The following FHIT variants were observed in gnomAD, a reference collection of about 807,000 sequenced individuals.
FHIT encodes the protein bis(5'-adenosyl)-triphosphatase.
In FHIT, 19 loss-of-function variants were observed where a neutral mutation model predicts 17.9. That is an observed-to-expected ratio of 1.06 (90% CI 0.74 to 1.56). The LOEUF (loss-of-function observed/expected upper bound fraction) is 1.56, where lower values mean the gene tolerates loss of function less well. Ranked by LOEUF, FHIT falls within the 40% of genes most tolerant of loss-of-function variation. The probability of loss-of-function intolerance (pLI) is 0.00; values close to 1 mark genes in which losing one functional copy is unlikely to be tolerated. For missense variants in FHIT, 248 were observed against 189.2 expected, an observed-to-expected ratio of 1.31 and a Z score of -1.82; for synonymous variants, 81 against 69.7, an observed-to-expected ratio of 1.16 and a Z score of -0.81.
At chr3:59,800,954 G>T (rs1350339964) in intron 8 of FHIT, among the ~76,000 whole-genome samples, 2 of 152,166 alleles carry the variant, frequency 1.3e-5, no homozygotes, top group African/African-American at 4.8e-5. Context: ...CAAGGATCCT[G>T]ATCATCTCCC....
At chr3:59,876,387 G>A (rs1233059724) in intron 8 of FHIT, among the ~76,000 whole-genome samples, 1 of 152,120 alleles carries the variant, frequency 6.6e-6, no homozygotes, top group East Asian at 1.9e-4. Flanking sequence ...AGAATAATCT[G>A]GAATTATAGA....
intron 2 of FHIT, among the ~76,000 whole-genome samples, chr3:61,118,583 T>C (rs916009668): frequency 1.3e-5 from 2 of 152,194 alleles, no homozygotes; most frequent in Non-Finnish European, 2.9e-5. Context: ...TCCACACCTG[T>C]AGGGTTACAG....
Position 60,202,496 on chromosome 3 carries a change from A to C in FHIT, c.104-188344T>G, listed in dbSNP as rs1164627113. Reference sequence around the variant, plus strand: ...GTGTGGTCAGGCACTAGTTGGCATTAATTTACTTGTTCACAGTTGTACATG... The same window carrying C: ...GTGTGGTCAGGCACTAGTTGGCATTCATTTACTTGTTCACAGTTGTACATG... On this transcript the variant is annotated intron_variant, in intron 5 of 9. Coordinates refer to ENST00000492590, the MANE Select transcript of FHIT (RefSeq NM_002012.4). Among the ~76,000 whole-genome samples the C allele has an allele frequency of 2.6e-5, 4 of 152,264 alleles. No individual in the cohort carries two copies. The East Asian group carries it at 7.7e-4, about 29-fold the overall frequency.
chr3:60,448,891 A>G (rs1010324224), intron 5 of FHIT, among the ~76,000 whole-genome samples: 3 of 152,140 alleles, frequency 2.0e-5, no homozygotes, highest in African/African-American at 7.2e-5. Context: ...TTTTATAGGG[A>G]TATCACACAC....
At chr3:60,105,221 G>A (rs1704357528) in intron 5 of FHIT, among the ~76,000 whole-genome samples, 1 of 152,126 alleles carries the variant, frequency 6.6e-6, no homozygotes, top group South Asian at 2.1e-4. Context: ...GGCACTCACT[G>A]GTTCTGAGTA....
chr3:60,462,117 A>C lies in FHIT; in HGVS notation c.103+74743T>G, dbSNP rs148553772. Among the ~76,000 whole-genome samples, 73 of 152,290 alleles carry C rather than the reference A, an allele frequency of 4.8e-4. No individual in the cohort carries two copies. The Middle Eastern group carries it at 0.01, about 21-fold the overall frequency. On this transcript the variant is annotated intron_variant, in intron 5 of 9. Transcript: ENST00000492590. ...GGACCGGGGGGATGTTATGCAACAAAAACAGTTATAGCCCTTGTCTGCCTG... is the reference window on the plus strand; with the variant it reads ...GGACCGGGGGGATGTTATGCAACAACAACAGTTATAGCCCTTGTCTGCCTG...
intron 3 of FHIT, among the ~76,000 whole-genome samples, chr3:60,945,450 T>A (rs1235365226): frequency 6.6e-6 from 1 of 152,114 alleles, no homozygotes; most frequent in Non-Finnish European, 1.5e-5. Context: ...TGGAGTGCAG[T>A]GGTACAATCT....
intron 8 of FHIT, among the ~76,000 whole-genome samples, chr3:59,853,502 A>C (rs905985182): frequency 1.3e-5 from 2 of 152,202 alleles, no homozygotes; most frequent in African/African-American, 2.4e-5. Flanking sequence ...ACTAAGTGTA[A>C]TCTTCAGTCA....
chr3:60,073,267 C>A (rs1702860351), intron 5 of FHIT, among the ~76,000 whole-genome samples: 1 of 152,034 alleles, frequency 6.6e-6, no homozygotes, highest in African/African-American at 2.4e-5. Context: ...AGTTTCCTGA[C>A]CCCTTTAATA....
intron 5 of FHIT, among the ~76,000 whole-genome samples, chr3:60,129,628 T>C (rs530405625): frequency 7.2e-5 from 11 of 152,288 alleles, no homozygotes; most frequent in African/African-American, 2.4e-4. Flanking sequence ...ATGCCCTAAG[T>C]CTACTATAAG....
At chr3:60,451,741 C>T (rs900993802) in intron 5 of FHIT, among the ~76,000 whole-genome samples, 1 of 152,082 alleles carries the variant, frequency 6.6e-6, no homozygotes, top group Non-Finnish European at 1.5e-5. Flanking sequence ...CCTGACTCTC[C>T]AACTATGAGA....
rs866731892 is a variant in FHIT at position 60,372,520 on chromosome 3, A to G, written c.103+164340T>C. ...GGTTTCTTTTTCTTCCTGAATCTCC[A>G]ACACATGCCCACACTTGGATTTTAA... On this transcript the variant is annotated intron_variant, in intron 5 of 9. Coordinates refer to ENST00000492590, the MANE Select transcript of FHIT (RefSeq NM_002012.4). 5.9e-5 allele frequency among the ~76,000 whole-genome samples: 9 copies of G among 152,168 alleles called. No homozygotes were observed. In the South Asian group the frequency reaches 1.0e-3, roughly 18 times the overall value.
chr3:61,157,479 T>C (rs1236237552), intron 2 of FHIT, among the ~76,000 whole-genome samples: 1 of 152,146 alleles, frequency 6.6e-6, no homozygotes, highest in Non-Finnish European at 1.5e-5. Flanking sequence ...TTCACCTTAC[T>C]GTAGCAAAGG....
rs2034701206 is a variant in FHIT at position 61,068,757 on chromosome 3, G to A, written c.-163-26658C>T. Among the ~76,000 whole-genome samples the A allele has an allele frequency of 2.0e-5, 3 of 152,098 alleles. No homozygotes were observed. The South Asian group carries it at 6.2e-4, about 32-fold the overall frequency. On this transcript the variant is annotated intron_variant, in intron 2 of 9. Transcript: ENST00000492590. ...AGAACCACCAATATAGAAAATAAGA[G>A]AACCAGAAGACTCTTCCACAATGTA...
intron 4 of FHIT, among the ~76,000 whole-genome samples, chr3:60,591,037 G>A (rs782601246): frequency 5.9e-5 from 9 of 152,008 alleles, no homozygotes; most frequent in Admixed American, 5.2e-4. Flanking sequence ...CAATAGTACC[G>A]TTTCTACCTG....
At chr3:59,850,875 C>T (rs1246517693) in intron 8 of FHIT, among the ~76,000 whole-genome samples, 1 of 152,188 alleles carries the variant, frequency 6.6e-6, no homozygotes. Flanking sequence ...ATCCTGGCAA[C>T]CTAAAAGCCT....
At chr3:60,859,049 T>C (rs1258146725) in intron 3 of FHIT, among the ~76,000 whole-genome samples, 1 of 152,194 alleles carries the variant, frequency 6.6e-6, no homozygotes, top group African/African-American at 2.4e-5. Flanking sequence ...TTAGGAAGAA[T>C]TGTTTTAGCG....
intron 4 of FHIT, among the ~76,000 whole-genome samples, chr3:60,727,691 C>T (rs1413312919): frequency 6.6e-6 from 1 of 152,208 alleles, no homozygotes; most frequent in African/African-American, 2.4e-5. Flanking sequence ...AAATCATTTG[C>T]TTCATTGAAC....
intron 3 of FHIT, among the ~76,000 whole-genome samples, chr3:60,899,119 G>T (rs1248052575): frequency 3.3e-5 from 5 of 152,172 alleles, no homozygotes; most frequent in Admixed American, 6.5e-5. Flanking sequence ...CCAGTTTAGG[G>T]TTCCAAAAGC....
Sources: allele counts gnomAD v4.1 joint callset (sites outside exome capture counted in the v4.1 genomes callset), GRCh38; gene constraint gnomAD v4.1.1; transcripts MANE v1.5; gene names NCBI Gene and HGNC (gene_info 2026-07-23, HGNC 2026-07-21).